Variants in TBC1D12 observed in about 807,000 individuals in gnomAD.
TBC1D12 encodes TBC1 domain family member 12, also known as TBC1 domain family, member 12.
Under a neutral mutation model 86.7 loss-of-function variants are expected in TBC1D12, and 56 were observed. The observed-to-expected ratio is 0.65, with a 90% CI of 0.52 to 0.81. The LOEUF is 0.81. TBC1D12 is among the 30% of genes least tolerant of loss of function. The probability of loss-of-function intolerance (pLI) is 0.00; values close to 1 mark genes in which losing one functional copy is unlikely to be tolerated. For missense variants in TBC1D12, 1,023 were observed against 1,038.8 expected (o/e 0.98, Z 0.21); for synonymous variants, 421 against 411.7 (o/e 1.02, Z -0.27).
At chr10:94,521,460 G>C (rs544406219) in intron 9 of TBC1D12, among the ~76,000 whole-genome samples, 2 of 151,848 alleles carry the variant, frequency 1.3e-5, no homozygotes, top group African/African-American at 4.8e-5. Flanking sequence ...TCCTATTTCT[G>C]TCTCTTGCTT....
chr10:94,441,031 G>A (rs1210212534), intron 1 of TBC1D12, among the ~76,000 whole-genome samples: 3 of 152,076 alleles, frequency 2.0e-5, no homozygotes, highest in Non-Finnish European at 4.4e-5. Context: ...TGTATTTTTA[G>A]TAGAGACAGG....
intron 1 of TBC1D12, among the ~76,000 whole-genome samples, chr10:94,435,281 A>G (rs2055278449): frequency 6.6e-6 from 1 of 152,202 alleles, no homozygotes. Flanking sequence ...GCTAGAAACA[A>G]CTGTATTTAT....
chr10:94,507,762 G>T (rs1444512168), intron 7 of TBC1D12, among the ~76,000 whole-genome samples: 2 of 152,134 alleles, frequency 1.3e-5, no homozygotes, highest in Non-Finnish European at 2.9e-5. Flanking sequence ...AAGGCAGGTG[G>T]ATCACCTGAG....
intron 1 of TBC1D12, among the ~76,000 whole-genome samples, chr10:94,427,833 C>CAAAAAAAAAAAAAAAAAA (rs71031576): frequency 1.5e-5 from 1 of 67,048 alleles, no homozygotes; most frequent in Non-Finnish European, 2.6e-5. Flanking sequence ...CCCTGTCTCA[C>CAAAAAAAAAAAAAAAAAA]AAAAAAAAAA....
chr10:94,410,193 G>C (rs1156840324), intron 1 of TBC1D12, among the ~76,000 whole-genome samples: 2 of 152,090 alleles, frequency 1.3e-5, no homozygotes, highest in Non-Finnish European at 2.9e-5. Context: ...TAACAAGATG[G>C]TATTAATTTA....
In TBC1D12 at chr10:94,402,759, C is replaced by G; in HGVS notation, c.146C>G (p.Pro49Arg). 2.6e-6 allele frequency: 4 copies of G among 1,550,376 alleles called. No individual in the cohort carries two copies. Among genetic ancestry groups the G allele is most frequent in the Non-Finnish European group, 1.7e-6 (2 of 1,146,972 alleles). The change falls in exon 1 of 13, where the codon CCG becomes CGG. Residue 49 changes from proline (P) to arginine (R), a missense_variant. Coordinates refer to ENST00000225235, the MANE Select transcript of TBC1D12 (RefSeq NM_015188.2). ...FGGGVGAVEP[P>R]EEADEEEEAD... The stretch of plus-strand genomic sequence containing the variant: ...GGAGGCGTCGGCGCTGTGGAGCCGC[C>G]GGAGGAGGCTGACGAGGAGGAGGAG...
intron 11 of TBC1D12, among the ~76,000 whole-genome samples, chr10:94,527,082 T>TTGTGTG (rs60647037): frequency 0.35 from 52,532 of 148,192 alleles, 9,709 homozygotes; most frequent in East Asian, 0.73. Flanking sequence ...GCTGGATTGA[T>TTGTGTG]TGTGTGTGTG....
At chr10:94,462,704 TTCTTA>T (rs1190973507) in intron 2 of TBC1D12, among the ~76,000 whole-genome samples, 2 of 152,212 alleles carry the variant, frequency 1.3e-5, no homozygotes, top group African/African-American at 4.8e-5. Context: ...TATTCATATT[TTCTTA>T]TCTTTTTAAT....
intron 2 of TBC1D12, among the ~76,000 whole-genome samples, chr10:94,446,247 G>C (rs921032460): frequency 6.6e-6 from 1 of 152,186 alleles, no homozygotes; most frequent in Non-Finnish European, 1.5e-5. Flanking sequence ...TATGCTTTCA[G>C]ATAGATGTTA....
chr10:94,438,996 G>T (rs903633197), intron 1 of TBC1D12, among the ~76,000 whole-genome samples: 1 of 151,870 alleles, frequency 6.6e-6, no homozygotes, highest in African/African-American at 2.4e-5. Flanking sequence ...TGGAGACAGG[G>T]TTTCGCCATG....
Position 94,534,111 on chromosome 10 carries a change from T to C in TBC1D12, c.*1015T>C, listed in dbSNP as rs1044455103. The C allele has an allele frequency of 2.0e-5, 3 of 152,134 alleles. No homozygotes were observed. Among genetic ancestry groups the C allele is most frequent in the Non-Finnish European group, 4.4e-5 (3 of 68,000 alleles). The allele number at this position is 152,134 out of a possible 1,614,324, so 9.4% of individuals were successfully genotyped here. A position where few individuals can be genotyped will look rare whatever the true frequency, so the allele number is the denominator to read the frequency against. ...TTTTCCTAATCAGTGGAAATAAGAA[T>C]AAAAGAAAAAGGTAAAGTTAATTTT... On this transcript the variant is annotated 3_prime_UTR_variant, in exon 13 of 13. Coordinates refer to ENST00000225235, the MANE Select transcript of TBC1D12 (RefSeq NM_015188.2).
rs1384410464 is a variant in TBC1D12 at position 94,522,042 on chromosome 10, A to G, written c.1849A>G (p.Lys617Glu). 6.2e-7 allele frequency: 1 copy of G among 1,613,000 alleles called. No homozygotes were observed. Among genetic ancestry groups the G allele is most frequent in the East Asian group, 2.2e-5 (1 of 44,830 alleles). ...TATCGCATTTGCCAATCTCCTGAATAAGCCATGCCAGTTGGCCTTTTTTCG... is the reference window on the plus strand; with the variant it reads ...TATCGCATTTGCCAATCTCCTGAATGAGCCATGCCAGTTGGCCTTTTTTCG... The part of the protein sequence containing the change: ...AFIAFANLLN[K>E]PCQLAFFRVD... The change falls in exon 10 of 13, where the codon AAG becomes GAG. Residue 617 changes from lysine (K) to glutamate (E), a missense_variant. Coordinates refer to ENST00000225235, the MANE Select transcript of TBC1D12 (RefSeq NM_015188.2).
intron 4 of TBC1D12, among the ~76,000 whole-genome samples, chr10:94,495,522 G>A (rs1200755521): frequency 1.3e-5 from 2 of 152,138 alleles, no homozygotes; most frequent in East Asian, 3.9e-4. Context: ...TACTATGTAA[G>A]ATAACTATTG....
At chr10:94,510,836 C>G (rs1429028666) in intron 8 of TBC1D12, among the ~76,000 whole-genome samples, 1 of 151,914 alleles carries the variant, frequency 6.6e-6, no homozygotes, top group East Asian at 1.9e-4. Context: ...ACATGGAATT[C>G]TTCTATCTTT....
intron 2 of TBC1D12, among the ~76,000 whole-genome samples, chr10:94,473,017 A>C (rs2134142964): frequency 6.6e-6 from 1 of 152,076 alleles, no homozygotes; most frequent in Admixed American, 6.5e-5. Flanking sequence ...AGACCAAATA[A>C]GTTGTTTTTT....
intron 4 of TBC1D12, among the ~76,000 whole-genome samples, chr10:94,494,940 C>T (rs1424463568): frequency 6.6e-6 from 1 of 151,984 alleles, no homozygotes. Context: ...TAGCTCACTG[C>T]AGCCTCGAAT....
chr10:94,424,234 G>A (rs966165608), intron 1 of TBC1D12, among the ~76,000 whole-genome samples: 1 of 152,194 alleles, frequency 6.6e-6, no homozygotes, highest in Non-Finnish European at 1.5e-5. Context: ...TAGAAAGAGA[G>A]TAGTAGGAAA....
At chr10:94,500,357 A>T (rs771623756) in intron 6 of TBC1D12, 30 bp downstream of exon 6, 8 of 1,584,220 alleles carry the variant, frequency 5.0e-6, no homozygotes, top group Non-Finnish European at 6.9e-6. Flanking sequence ...TTATTCCCAC[A>T]TGTACAAATA....
At chr10:94,469,734 G>GCC (rs2055875997) in intron 2 of TBC1D12, among the ~76,000 whole-genome samples, 1 of 152,094 alleles carries the variant, frequency 6.6e-6, no homozygotes, top group East Asian at 1.9e-4. Context: ...ACAGGTGTGA[G>GCC]CCACTGTGCA....
Sources: allele counts gnomAD v4.1 joint callset (sites outside exome capture counted in the v4.1 genomes callset), GRCh38; gene constraint gnomAD v4.1.1; transcripts MANE v1.5; gene names NCBI Gene and HGNC (gene_info 2026-07-23, HGNC 2026-07-21).